The following FCF1 variants were observed in gnomAD, a reference collection of about 807,000 sequenced individuals.
FCF1 encodes rRNA-processing protein FCF1 homolog.
A neutral mutation model predicts 32.5 loss-of-function variants in FCF1; 17 were observed. The ratio of observed to expected loss-of-function variants is 0.52; its 90% CI spans 0.36 to 0.78. The LOEUF is 0.78. Ranked by LOEUF, FCF1 falls within the 30% of genes least tolerant of loss-of-function variation. FCF1 has a pLI of 0.00. For synonymous variants in FCF1, 84 were observed against 78.4 expected, an observed-to-expected ratio of 1.07 and a Z score of -0.38; for missense variants, 201 against 241.1, an observed-to-expected ratio of 0.83 and a Z score of 1.10.
At chr14:74,728,895 G>A (rs1343044215) in intron 5 of FCF1, among the ~76,000 whole-genome samples, 4 of 151,988 alleles carry the variant, frequency 2.6e-5, no homozygotes, top group African/African-American at 9.7e-5. Context: ...TTTATATGCT[G>A]GATTACATTT....
At chr14:74,717,320 C>T (rs1390600377) in intron 4 of FCF1, among the ~76,000 whole-genome samples, 3 of 151,460 alleles carry the variant, frequency 2.0e-5, no homozygotes, top group Non-Finnish European at 4.4e-5. Context: ...TGTGCCACTG[C>T]ACTCCAGCCT....
At position 74,713,211 on chromosome 14, in the gene FCF1, A is replaced by G; in HGVS notation, c.3+11A>G. 1 of 1,614,216 alleles carries G rather than the reference A, an allele frequency of 6.2e-7. No individual in the cohort carries two copies. The highest frequency in any genetic ancestry group is 8.5e-7 in the Non-Finnish European group (1 of 1,180,048). On this transcript the variant is annotated intron_variant, in intron 1 of 7. Transcript: ENST00000341162. ...TTTGGCGTGACCATGGTGAGAGAAG[A>G]CGGTCCAAGAAGGGACGTTATCAGG...
chr14:74,723,450 CTATT>C (rs1301905694), intron 5 of FCF1, 106 bp downstream of exon 5: 3 of 808,914 alleles, frequency 3.7e-6, no homozygotes, highest in Admixed American at 2.8e-5. Flanking sequence ...TCATACAAAA[CTATT>C]TATCATTTTT....
rs1327358593 is a variant in FCF1, at chr14:74,723,336, G to A, written c.357G>A (p.Val119=). ...AGAAATTGGGGCAGAAGTATCGAGT[G>A]GCTCTAAGGTAGGAAGGAGGTAAAC... ...EIEKLGQKYR[V]ALRIAKDPRF... Residue 119 remains valine (V), a synonymous_variant, in exon 5 of 8, where the codon GTG becomes GTA. Coordinates refer to ENST00000341162, the MANE Select transcript of FCF1 (RefSeq NM_015962.5). The A allele has an allele frequency of 6.2e-7, 1 of 1,612,260 alleles. No individual in the cohort carries two copies. Among genetic ancestry groups the A allele is most frequent in the East Asian group, 2.2e-5 (1 of 44,838 alleles).
intron 4 of FCF1, among the ~76,000 whole-genome samples, chr14:74,719,537 G>C (rs1231846815): frequency 6.6e-6 from 1 of 152,040 alleles, no homozygotes. Flanking sequence ...AAGGTGGGTG[G>C]ATTGCTTGAG....
chr14:74,724,707 C>G (rs1314514544), intron 5 of FCF1, among the ~76,000 whole-genome samples: 1 of 152,112 alleles, frequency 6.6e-6, no homozygotes, highest in Non-Finnish European at 1.5e-5. Flanking sequence ...GATTTCCAGT[C>G]CAGCCTGGGC....
chr14:74,727,413 T>A (rs1212206306), intron 5 of FCF1, among the ~76,000 whole-genome samples: 1 of 152,240 alleles, frequency 6.6e-6, no homozygotes, highest in Non-Finnish European at 1.5e-5. Flanking sequence ...TTCTTTTGAG[T>A]AGTGTCTGTT....
chr14:74,723,435 G>GTATGATTTTCACAACT, intron 5 of FCF1, 91 bp downstream of exon 5: 1 of 936,150 alleles, frequency 1.1e-6, no homozygotes, highest in Non-Finnish European at 1.6e-6. Context: ...AGTTAGTTGT[G>GTATGATTTTCACAACT]AAAATCATAC....
At chr14:74,725,312 C>G (rs1474191753) in intron 5 of FCF1, among the ~76,000 whole-genome samples, 4 of 150,636 alleles carry the variant, frequency 2.7e-5, no homozygotes, top group Non-Finnish European at 5.9e-5. Context: ...GAAACCCTGT[C>G]TCTACTAAAA....
intron 5 of FCF1, among the ~76,000 whole-genome samples, chr14:74,724,262 G>A (rs1481849033): frequency 6.6e-6 from 1 of 151,974 alleles, no homozygotes; most frequent in Non-Finnish European, 1.5e-5. Flanking sequence ...ATGCCTGGTG[G>A]GTTTGGGGGG....
chr14:74,734,406 ATTG>A (rs2090679083), intron 7 of FCF1, among the ~76,000 whole-genome samples: 1 of 152,106 alleles, frequency 6.6e-6, no homozygotes, highest in Non-Finnish European at 1.5e-5. Context: ...AAATAGACGT[ATTG>A]TTTTAAATAA....
At chr14:74,734,786 A>G (rs2090684763) in intron 7 of FCF1, 96 bp from the exon 8 acceptor site, 4 of 918,572 alleles carry the variant, frequency 4.4e-6, no homozygotes, top group Admixed American at 2.0e-5. Context: ...AAGGATTCAC[A>G]GTGGGGGTGA....
chr14:74,722,066 G>C (rs1253510927), intron 4 of FCF1, among the ~76,000 whole-genome samples: 3 of 27,776 alleles, frequency 1.1e-4, no homozygotes, highest in Non-Finnish European at 7.3e-5. Context: ...TTTTTTTTTT[G>C]AGATGGAGTT....
At chr14:74,715,401 A>G (rs776353697) in intron 3 of FCF1, among the ~76,000 whole-genome samples, 3 of 152,110 alleles carry the variant, frequency 2.0e-5, no homozygotes, top group African/African-American at 4.8e-5. Flanking sequence ...TTATTTTTCT[A>G]ATTTTTCCCT....
At chr14:74,723,820 CTCTG>C (rs2090539079) in intron 5 of FCF1, among the ~76,000 whole-genome samples, 1 of 130,860 alleles carries the variant, frequency 7.6e-6, no homozygotes, top group Admixed American at 8.5e-5. Flanking sequence ...AAGAGCAAAA[CTCTG>C]TCTCAAAAAA....
chr14:74,715,873 C>A, intron 3 of FCF1, 78 bp from the exon 4 acceptor site: 3 of 1,607,926 alleles, frequency 1.9e-6, no homozygotes, highest in Non-Finnish European at 1.7e-6. Flanking sequence ...CAGTCCCAAG[C>A]AGACTTCTTT....
chr14:74,714,930 A>C lies in FCF1; in HGVS notation c.130A>C (p.Lys44Gln). The change falls in exon 3 of 8, where the codon AAG becomes CAG. Residue 44 changes from lysine to glutamine, a missense_variant. Coordinates refer to ENST00000341162, the MANE Select transcript of FCF1 (RefSeq NM_015962.5). ...KKEKKDPSALKEREVPQHPSC... is the reference protein window; with the variant it reads ...KKEKKDPSALQEREVPQHPSC... ...AGAAAAGAAGGATCCCAGCGCATTA[A>C]AGGAAAGAGAAGTGTGAGTAATCAA... 1 of 1,596,980 alleles carries C rather than the reference A, an allele frequency of 6.3e-7. No homozygotes were observed. Among genetic ancestry groups the C allele is most frequent in the Non-Finnish European group, 8.5e-7 (1 of 1,174,482 alleles).
chr14:74,723,374 A>G (rs1268734988), intron 5 of FCF1, 30 bp downstream of exon 5: 2 of 1,464,136 alleles, frequency 1.4e-6, no homozygotes, highest in Non-Finnish European at 1.9e-6. Context: ...GATCTGTTCT[A>G]GATTGGTATA....
At position 74,736,469 on chromosome 14, in the gene FCF1, GT is replaced by G. The variant is rs2090709332; in HGVS notation, c.*1543del. The G allele has an allele frequency of 6.6e-6, 1 of 151,954 alleles. No homozygotes were observed. Among genetic ancestry groups the G allele is most frequent in the South Asian group, 2.1e-4 (1 of 4,828 alleles). 9.4% of individuals were successfully genotyped at this position (151,954 alleles called of 1,614,324 possible). The stretch of plus-strand genomic sequence containing the variant: ...ATAAAATCTCAGACAGGAAGAATAT[GT>G]TTTATGCTTTTTTTGAGTTCTGTTG... On this transcript the variant is annotated 3_prime_UTR_variant, in exon 8 of 8. Transcript: ENST00000341162.
Sources: gnomAD v4.1 joint callset for allele counts (sites outside exome capture counted in the v4.1 genomes callset) on GRCh38, gnomAD v4.1.1 for gene constraint, MANE v1.5 for transcripts, NCBI Gene and HGNC (gene_info 2026-07-23, HGNC 2026-07-21) for gene names.